Variants in ARNT observed in about 807,000 individuals in gnomAD.
ARNT encodes aryl hydrocarbon receptor nuclear translocator.
A neutral mutation model predicts 105.0 loss-of-function variants in ARNT; 30 were observed. The ratio of observed to expected loss-of-function variants is 0.29; its 90% CI spans 0.21 to 0.39. The LOEUF is 0.39. Among genes scored for constraint, ARNT ranks in the 10% least tolerant of loss-of-function variants. The pLI is 1.00. For missense variants in ARNT, 748 were observed against 978.7 expected (o/e 0.76, Z 3.15); for synonymous variants, 304 against 344.0 (o/e 0.88, Z 1.29).
intron 7 of ARNT, among the ~76,000 whole-genome samples, chr1:150,835,235 T>C (rs1203320266): frequency 6.6e-6 from 1 of 152,100 alleles, no homozygotes; most frequent in Non-Finnish European, 1.5e-5. Context: ...TTGTCTTCTT[T>C]ATTATACAGA....
At chr1:150,838,967 C>CA (rs1660800472) in intron 6 of ARNT, among the ~76,000 whole-genome samples, 1 of 152,194 alleles carries the variant, frequency 6.6e-6, no homozygotes, top group African/African-American at 2.4e-5. Context: ...TTTACGCCTT[C>CA]TTTTTTTCAT....
chr1:150,835,938 G>GA (rs1660249991), intron 7 of ARNT, among the ~76,000 whole-genome samples: 1 of 151,556 alleles, frequency 6.6e-6, no homozygotes, highest in African/African-American at 2.4e-5. Context: ...CCAGGAGGTA[G>GA]AAAAAATACC....
At position 150,837,348 on chromosome 1, in the gene ARNT, A is replaced by G. The variant is rs185652020; in HGVS notation, c.487-855T>C. Among the ~76,000 whole-genome samples, 39 of 152,180 alleles carry G rather than the reference A, an allele frequency of 2.6e-4. No individual in the cohort carries two copies. The East Asian group carries it at 4.8e-3, about 19-fold the overall frequency. On this transcript the variant is annotated intron_variant, in intron 6 of 21. Transcript: ENST00000358595. ...CTCAATCCCACTTCACTCTCACTCT[A>G]AACTACTGTTTTCCTGTTTGGTTTG...
At chr1:150,861,929 G>C (rs766697932) in intron 1 of ARNT, among the ~76,000 whole-genome samples, 21 of 152,180 alleles carry the variant, frequency 1.4e-4, no homozygotes, top group African/African-American at 5.1e-4. Flanking sequence ...GCAGGCTAAT[G>C]TAAGTATTCC....
chr1:150,844,416 C>A (rs1303950804), intron 4 of ARNT, among the ~76,000 whole-genome samples: 2 of 152,200 alleles, frequency 1.3e-5, no homozygotes, highest in Admixed American at 6.5e-5. Context: ...TTATGTAATA[C>A]CCTCTAATTC....
intron 14 of ARNT, 133 bp from the exon 15 acceptor site, chr1:150,818,163 T>G: frequency 3.1e-6 from 2 of 637,500 alleles, no homozygotes; most frequent in Non-Finnish European, 5.3e-6. Context: ...CAATAAATCC[T>G]TCATTAAAGT....
intron 6 of ARNT, 76 bp from the exon 7 acceptor site, chr1:150,836,569 G>A: frequency 1.4e-6 from 2 of 1,431,728 alleles, no homozygotes; most frequent in Non-Finnish European, 1.9e-6. Flanking sequence ...GAAGAAGTAA[G>A]ACACTTCAGG....
At chr1:150,853,305 G>T in intron 2 of ARNT, 1 of 360,552 alleles carries the variant, frequency 2.8e-6, no homozygotes, top group South Asian at 2.1e-5. Flanking sequence ...ACAAAACTGG[G>T]CAATAGAAAC....
In ARNT at chr1:150,813,383, T is replaced by C. The variant is rs1655142876; in HGVS notation, c.2114-45A>G. The stretch of plus-strand genomic sequence containing the variant: ...GAATAAACAACTCCAATCTACACAA[T>C]TCCATTGTGTACTAATGCCACAAGT... On this transcript the variant is annotated intron_variant, in intron 20 of 21. Coordinates refer to ENST00000358595, the MANE Select transcript of ARNT (RefSeq NM_001668.4). 5 of 1,549,662 alleles carry C rather than the reference T, an allele frequency of 3.2e-6. No individual in the cohort carries two copies. In the South Asian group the frequency reaches 5.0e-5, roughly 15 times the overall value.
intron 1 of ARNT, among the ~76,000 whole-genome samples, chr1:150,864,505 C>T (rs1260672535): frequency 3.3e-5 from 5 of 150,616 alleles, no homozygotes; most frequent in Admixed American, 6.7e-5. Flanking sequence ...AGTAAACTAT[C>T]GCAAGATCAA....
chr1:150,861,590 A>C (rs1356889416), intron 1 of ARNT, among the ~76,000 whole-genome samples: 1 of 152,212 alleles, frequency 6.6e-6, no homozygotes, highest in Non-Finnish European at 1.5e-5. Context: ...GAGGAGGATC[A>C]TTTGAGTCCA....
intron 4 of ARNT, among the ~76,000 whole-genome samples, chr1:150,842,712 A>G (rs1661509874): frequency 6.6e-6 from 1 of 152,200 alleles, no homozygotes; most frequent in East Asian, 1.9e-4. Flanking sequence ...AGGATAAAGA[A>G]AAAGTAACTT....
At chr1:150,870,550 C>G (rs1295678732) in intron 1 of ARNT, among the ~76,000 whole-genome samples, 1 of 152,078 alleles carries the variant, frequency 6.6e-6, no homozygotes, top group African/African-American at 2.4e-5. Flanking sequence ...CCTAGTCACC[C>G]AGACAGGAAT....
In ARNT at chr1:150,850,917, G is replaced by A. The variant is rs587601021; in HGVS notation, c.182+1845C>T. Among the ~76,000 whole-genome samples the A allele has an allele frequency of 4.2e-3, 616 of 146,434 alleles. 5 individuals are homozygous for A. Among genetic ancestry groups the A allele is most frequent in the East Asian group, 0.025 (120 of 4,784 alleles). On this transcript the variant is annotated intron_variant, in intron 3 of 21. Transcript: ENST00000358595. Reference sequence around the variant, plus strand: ...CCACCCCGTCTGGGAGGTGAGGAGCGCCTCTGCCCGGCCACGACCCCGTCT... The same window carrying A: ...CCACCCCGTCTGGGAGGTGAGGAGCACCTCTGCCCGGCCACGACCCCGTCT...
chr1:150,867,467 T>C lies in ARNT; in HGVS notation c.26-9007A>G, dbSNP rs587729908. Among the ~76,000 whole-genome samples, 5 of 151,422 alleles carry C rather than the reference T, an allele frequency of 3.3e-5. No homozygotes were observed. In the East Asian group the frequency reaches 9.8e-4, roughly 30 times the overall value. The stretch of plus-strand genomic sequence containing the variant: ...CAGGTTGCTGAAGTGGGAGGAATGC[T>C]TGAGCCCAGGATTTCAAGACCAGCC... On this transcript the variant is annotated intron_variant, in intron 1 of 21. Transcript: ENST00000358595.
intron 15 of ARNT, 97 bp from the exon 16 acceptor site, chr1:150,817,530 G>A (rs182842065): frequency 4.8e-5 from 56 of 1,177,910 alleles, no homozygotes; most frequent in Admixed American, 1.0e-4. Flanking sequence ...TAAACAGGCC[G>A]GGCATGGTGG....
chr1:150,865,985 T>TG (rs1164683776), intron 1 of ARNT, among the ~76,000 whole-genome samples: 16 of 151,394 alleles, frequency 1.1e-4, no homozygotes, highest in African/African-American at 3.9e-4. Flanking sequence ...CTCCAAAGTT[T>TG]TTTTTTTTTT....
intron 10 of ARNT, 55 bp from the exon 11 acceptor site, chr1:150,830,035 C>A (rs1659067680): frequency 6.3e-7 from 1 of 1,581,984 alleles, no homozygotes; most frequent in Non-Finnish European, 8.7e-7. Flanking sequence ...CAAATGCCTT[C>A]AAAACTCAGA....
chr1:150,860,819 T>C (rs984717412), intron 1 of ARNT, among the ~76,000 whole-genome samples: 3 of 151,636 alleles, frequency 2.0e-5, no homozygotes, highest in Non-Finnish European at 4.4e-5. Context: ...ATCGCACCAC[T>C]GCACTCCAGC....
Sources: allele counts gnomAD v4.1 joint callset (sites outside exome capture counted in the v4.1 genomes callset), GRCh38; gene constraint gnomAD v4.1.1; transcripts MANE v1.5; gene names NCBI Gene and HGNC (gene_info 2026-07-23, HGNC 2026-07-21).